Variants in STARD8 observed in about 807,000 individuals in gnomAD.
STARD8 encodes stAR-related lipid transfer protein 8.
STARD8 carries 25 observed loss-of-function variants against 69.4 expected under a neutral mutation model. The ratio of observed to expected loss-of-function variants is 0.36; its 90% CI spans 0.26 to 0.50. STARD8 has a LOEUF of 0.50. Ranked by LOEUF, STARD8 falls within the 20% of genes least tolerant of loss-of-function variation. The pLI is 0.96. For synonymous variants in STARD8, 389 were observed against 374.6 expected (o/e 1.04, Z -0.45); for missense variants, 921 against 932.5 (o/e 0.99, Z 0.16).
chrX:68,653,255 A>C (rs1602535837), intron 1 of STARD8, among the ~76,000 whole-genome samples: 3 of 23,191 alleles, frequency 1.3e-4, no homozygotes, highest in Non-Finnish European at 1.7e-4. Context: ...CCACACATAC[A>C]CCACACACAC....
chrX:68,721,475 G>A, intron 9 of STARD8, 61 bp from the exon 10 acceptor site: 1 of 1,152,755 alleles, frequency 8.7e-7, no homozygotes, highest in Non-Finnish European at 1.2e-6. Flanking sequence ...GGAAACAGGA[G>A]GCTGGCTGCT....
At chrX:68,714,022 C>G (rs2080072697) in intron 3 of STARD8, among the ~76,000 whole-genome samples, 1 of 112,016 alleles carries the variant, frequency 8.9e-6, no homozygotes, top group South Asian at 3.8e-4. Flanking sequence ...ACCTTTTTCC[C>G]TCCAGAACGT....
Position 68,722,230 on chromosome X carries a change from C to A in STARD8, c.2574+69C>A. ...GAACCATCAGGCCTGACCTCGGTGC[C>A]CCAAGTCAGGGATAGGACCCAATTT... On this transcript the variant is annotated intron_variant, in intron 11 of 14. Transcript: ENST00000374599. 4.9e-6 allele frequency: 5 copies of A among 1,012,795 alleles called. No individual in the cohort carries two copies. In the East Asian group the frequency reaches 1.6e-4, roughly 33 times the overall value. The allele number at this position is 1,012,795 out of a possible 1,213,427, so 83.5% of individuals were successfully genotyped here. A position where few individuals can be genotyped will look rare whatever the true frequency, so the allele number is the denominator to read the frequency against.
At chrX:68,653,294 A>G (rs1274409348) in intron 1 of STARD8, among the ~76,000 whole-genome samples, 2 of 38,068 alleles carry the variant, frequency 5.3e-5, no homozygotes, top group African/African-American at 9.8e-5. Context: ...CACACCACAC[A>G]CCACACACAC....
At chrX:68,664,456 T>C (rs1171745382) in intron 1 of STARD8, among the ~76,000 whole-genome samples, 1 of 112,205 alleles carries the variant, frequency 8.9e-6, no homozygotes, top group Non-Finnish European at 1.9e-5. Flanking sequence ...TACTGTAATT[T>C]GAATCAAAGT....
chrX:68,724,539 G>C lies in STARD8; in HGVS notation c.*117G>C, dbSNP rs1370527065. The C allele has an allele frequency of 1.8e-6, 1 of 570,229 alleles. No homozygotes were observed. The highest frequency in any genetic ancestry group is 2.3e-5 in the African/African-American group (1 of 43,352). The allele number at this position is 570,229 out of a possible 1,213,427, so 47.0% of individuals were successfully genotyped here. A position where few individuals can be genotyped will look rare whatever the true frequency, so the allele number is the denominator to read the frequency against. On this transcript the variant is annotated 3_prime_UTR_variant, in exon 15 of 15. Coordinates refer to ENST00000374599, the MANE Select transcript of STARD8 (RefSeq NM_001142503.3). ...GCTGTCAGGAGCAGAGCCAGGCCCA[G>C]GTGGCTCCAGCTGCCTGTCCTGTCC...
chrX:68,652,962 ACAC>A (rs2079565153), intron 1 of STARD8, among the ~76,000 whole-genome samples: 2 of 49,114 alleles, frequency 4.1e-5, no homozygotes, highest in Admixed American at 2.5e-4. Flanking sequence ...CCACACACAC[ACAC>A]CACACACCAC....
At chrX:68,680,657 G>A (rs1029575300) in intron 2 of STARD8, among the ~76,000 whole-genome samples, 2 of 111,877 alleles carry the variant, frequency 1.8e-5, no homozygotes, top group Non-Finnish European at 3.8e-5. Context: ...GCTGTGCCCT[G>A]CCAGGTGACA....
intron 14 of STARD8, 34 bp downstream of exon 14, chrX:68,724,155 T>TGGCCTTGACCCCCTC: frequency 8.4e-7 from 1 of 1,197,500 alleles, no homozygotes; most frequent in African/African-American, 1.7e-5. Context: ...TCGACCCCCT[T>TGGCCTTGACCCCCTC]GGCCTTGACC....
intron 2 of STARD8, among the ~76,000 whole-genome samples, chrX:68,677,332 TG>T (rs2079771706): frequency 9.0e-6 from 1 of 110,843 alleles, no homozygotes; most frequent in Non-Finnish European, 1.9e-5. Flanking sequence ...ACAGGGTTGG[TG>T]TAAGGGCCAA....
Position 68,723,954 on chromosome X carries a change from C to T in STARD8, c.3027C>T (p.Arg1009=). ...GTCCCTTCTCCAATAGGATGTGGCG[C>T]TCTGACCTGCCTCGTGGGGGTTGCC... The part of the protein sequence containing the change: ...CRDFVVLRMW[R]SDLPRGGCLL... Residue 1009 remains arginine, a synonymous_variant, in exon 14 of 15, where the codon CGC becomes CGT. Coordinates refer to ENST00000374599, the MANE Select transcript of STARD8 (RefSeq NM_001142503.3). 8.3e-7 allele frequency: 1 copy of T among 1,211,959 alleles called. No homozygotes were observed. Among genetic ancestry groups the T allele is most frequent in the Non-Finnish European group, 1.1e-6 (1 of 895,492 alleles).
intron 2 of STARD8, among the ~76,000 whole-genome samples, chrX:68,695,567 G>A (rs924105449): frequency 1.8e-5 from 2 of 111,072 alleles, no homozygotes; most frequent in Non-Finnish European, 3.8e-5. Context: ...ATGATATCTG[G>A]AGGTGTTTAG....
At chrX:68,711,624 TC>T (rs2080051896) in intron 2 of STARD8, among the ~76,000 whole-genome samples, 1 of 111,874 alleles carries the variant, frequency 8.9e-6, no homozygotes, top group South Asian at 3.7e-4. Context: ...CCCCCACTCT[TC>T]CCTCCACTGT....
At position 68,724,570 on chromosome X, in the gene STARD8, C is replaced by T. The variant is rs890936326; in HGVS notation, c.*148C>T. ...TCCAGCTGCCTGTCCTGTCCCCTTTCCTAAAGCTCCTCTGCACATAGAGGG... is the reference window on the plus strand; with the variant it reads ...TCCAGCTGCCTGTCCTGTCCCCTTTTCTAAAGCTCCTCTGCACATAGAGGG... On this transcript the variant is annotated 3_prime_UTR_variant, in exon 15 of 15. Transcript: ENST00000374599. 3.5e-5 allele frequency: 16 copies of T among 451,679 alleles called. No individual in the cohort carries two copies. Among genetic ancestry groups the T allele is most frequent in the Non-Finnish European group, 6.1e-5 (16 of 263,876 alleles). 37.2% of individuals were successfully genotyped at this position (451,679 alleles called of 1,213,427 possible). A position where few individuals can be genotyped will look rare whatever the true frequency, so the allele number is the denominator to read the frequency against.
At position 68,651,821 on chromosome X, in the gene STARD8, C is replaced by G. The variant is rs1338108028; in HGVS notation, c.45+3894C>G. On this transcript the variant is annotated intron_variant, in intron 1 of 14. Transcript: ENST00000374599. ...GAATGACACTAATCAGTGCCCGCCT[C>G]ACAGAAATGCCACGAACATTTGGTG... 1.4e-4 allele frequency among the ~76,000 whole-genome samples: 15 copies of G among 108,957 alleles called. No homozygotes were observed. In the Admixed American group the frequency reaches 1.5e-3, roughly 11 times the overall value. The allele number at this position is 108,957 out of a possible 115,157, so 94.6% of individuals were successfully genotyped here. A position where few individuals can be genotyped will look rare whatever the true frequency, so the allele number is the denominator to read the frequency against.
intron 2 of STARD8, among the ~76,000 whole-genome samples, chrX:68,670,560 C>G (rs2079722001): frequency 9.0e-6 from 1 of 110,853 alleles, no homozygotes; most frequent in African/African-American, 3.3e-5. Context: ...TCAGGTACAT[C>G]TCCCTAGGTA....
chrX:68,668,247 TTTCTTTC>T lies in STARD8; in HGVS notation c.79+2718_79+2724del, dbSNP rs1416451089. Among the ~76,000 whole-genome samples, 520 of 82,642 alleles carry T rather than the reference TTTCTTTC, an allele frequency of 6.3e-3. 10 individuals carry two copies. The highest frequency in any genetic ancestry group is 0.029 in the African/African-American group (494 of 17,027). 71.8% of individuals were successfully genotyped at this position (82,642 alleles called of 115,157 possible). A position where few individuals can be genotyped will look rare whatever the true frequency, so the allele number is the denominator to read the frequency against. Reference sequence around the variant, plus strand: ...TTCTCTTTTTTCTCCTCTTTCTTTCTTTCTTTCTTTCTTTCTTTCTTTCTTTCTCTTT... The same window carrying T: ...TTCTCTTTTTTCTCCTCTTTCTTTCTTTTCTTTCTTTCTTTCTTTCTCTTT... On this transcript the variant is annotated intron_variant, in intron 2 of 14. Transcript: ENST00000374599.
Position 68,723,852 on chromosome X carries a change from C to T in STARD8, c.3017+9C>T, listed in dbSNP as rs1193016710. 3 of 1,202,841 alleles carry T rather than the reference C, an allele frequency of 2.5e-6. No homozygotes were observed. The highest frequency in any genetic ancestry group is 3.4e-6 in the Non-Finnish European group (3 of 890,587). On this transcript the variant is annotated intron_variant, in intron 13 of 14. Coordinates refer to ENST00000374599, the MANE Select transcript of STARD8 (RefSeq NM_001142503.3). The stretch of plus-strand genomic sequence containing the variant: ...GACTTTGTGGTGCTTCGGTGAGGGG[C>T]TGCAGCTGCTACCCTTCTGTGCTTG...
chrX:68,666,333 C>T (rs184258213), intron 2 of STARD8, among the ~76,000 whole-genome samples: 41 of 112,103 alleles, frequency 3.7e-4, no homozygotes, highest in African/African-American at 1.3e-3. Flanking sequence ...CCCATTGGCT[C>T]CAATTTTTCA....
Sources: gnomAD v4.1 joint callset for allele counts (sites outside exome capture counted in the v4.1 genomes callset) on GRCh38, gnomAD v4.1.1 for gene constraint, MANE v1.5 for transcripts, NCBI Gene and HGNC (gene_info 2026-07-23, HGNC 2026-07-21) for gene names.